The following MRPS6 variants were observed in gnomAD, a reference collection of about 807,000 sequenced individuals.
MRPS6 encodes mitochondrial ribosomal protein S6.
MRPS6 carries 6 observed loss-of-function variants against 13.1 expected under a neutral mutation model. The observed-to-expected ratio is 0.46, with a 90% confidence interval of 0.25 to 0.91. MRPS6 has a LOEUF of 0.91. MRPS6 is among the 40% of genes least tolerant of loss of function. MRPS6 has a pLI of 0.18. For missense variants in MRPS6, 164 were observed against 155.6 expected, an observed-to-expected ratio of 1.05 and a Z score of -0.29; for synonymous variants, 61 against 56.5, an observed-to-expected ratio of 1.08 and a Z score of -0.36.
rs917931284 is a variant in MRPS6, at chr21:34,100,620, T to C, written c.46-24721T>C. The C allele has an allele frequency of 8.0e-6, 8 of 1,000,052 alleles. No individual in the cohort carries two copies. In the Admixed American group the frequency reaches 3.7e-4, roughly 46 times the overall value. The allele number at this position is 1,000,052 out of a possible 1,614,324, so 61.9% of individuals were successfully genotyped here. A position where few individuals can be genotyped will look rare whatever the true frequency, so the allele number is the denominator to read the frequency against. On this transcript the variant is annotated intron_variant, in intron 1 of 2. Coordinates refer to ENST00000399312, the MANE Select transcript of MRPS6 (RefSeq NM_032476.4). Reference sequence around the variant, plus strand: ...TCTTAGGGATGATACCTCAAGAAATTAGCTGGGACCCATCACTCTGTGAAA... The same window carrying C: ...TCTTAGGGATGATACCTCAAGAAATCAGCTGGGACCCATCACTCTGTGAAA...
chr21:34,128,990 A>G (rs1980405596), intron 2 of MRPS6, among the ~76,000 whole-genome samples: 1 of 152,086 alleles, frequency 6.6e-6, no homozygotes, highest in South Asian at 2.1e-4. Context: ...GGTCTCTTTC[A>G]GGTCCCCGAG....
intron 2 of MRPS6, among the ~76,000 whole-genome samples, chr21:34,130,424 G>A (rs1431599615): frequency 6.6e-6 from 1 of 152,164 alleles, no homozygotes; most frequent in Non-Finnish European, 1.5e-5. Context: ...CCTCTCCAGG[G>A]GAGGGGCAGA....
At chr21:34,123,010 G>A in intron 1 of MRPS6, 1 of 152,146 alleles carries the variant, frequency 6.6e-6, no homozygotes, top group East Asian at 1.9e-4. Flanking sequence ...CTGTTAATGG[G>A]AAGAGATTTT....
intron 1 of MRPS6, among the ~76,000 whole-genome samples, chr21:34,082,394 A>G (rs1602907667): frequency 6.6e-6 from 1 of 152,186 alleles, no homozygotes; most frequent in South Asian, 2.1e-4. Context: ...TGACATTCAC[A>G]GTCCACTTTT....
At chr21:34,123,547 C>G (rs1210364539) in intron 1 of MRPS6, 1 of 145,126 alleles carries the variant, frequency 6.9e-6, no homozygotes, top group Non-Finnish European at 1.5e-5. Flanking sequence ...ACCTTCTTGG[C>G]TTTTTTTTTT....
chr21:34,105,303 C>T, intron 1 of MRPS6: 2 of 999,890 alleles, frequency 2.0e-6, no homozygotes, highest in Non-Finnish European at 2.4e-6. Flanking sequence ...CTTCTCAGTG[C>T]TTTCTTTTTT....
At chr21:34,117,350 G>T (rs572337291) in intron 1 of MRPS6, among the ~76,000 whole-genome samples, 1 of 152,102 alleles carries the variant, frequency 6.6e-6, no homozygotes, top group Non-Finnish European at 1.5e-5. Flanking sequence ...CCCTCCTGAC[G>T]GGGTATTCAT....
At chr21:34,101,773 G>A (rs1459844173) in intron 1 of MRPS6, 2 of 995,950 alleles carry the variant, frequency 2.0e-6, no homozygotes, top group South Asian at 4.7e-5. Context: ...CTGAATTTCT[G>A]TTAGCTTAAA....
intron 1 of MRPS6, chr21:34,102,420 G>A: frequency 1.0e-6 from 1 of 999,832 alleles, no homozygotes; most frequent in Non-Finnish European, 1.2e-6. Context: ...AGAGGGATTA[G>A]TTTTTTTGTT....
rs113414701 is a variant in MRPS6, at chr21:34,105,773, T to G, written c.46-19568T>G. The G allele has an allele frequency of 5.4e-3, 5,408 of 995,024 alleles. 104 individuals carry two copies. The South Asian group carries it at 0.078, about 14-fold the overall frequency. The allele number at this position is 995,024 out of a possible 1,614,324, so 61.6% of individuals were successfully genotyped here. A position where few individuals can be genotyped will look rare whatever the true frequency, so the allele number is the denominator to read the frequency against. ...TTTAATTTTAAGGTTTGACTAATTG[T>G]ATCCATCTCATTGTACAGTGTTTTA... On this transcript the variant is annotated intron_variant, in intron 1 of 2. Coordinates refer to ENST00000399312, the MANE Select transcript of MRPS6 (RefSeq NM_032476.4).
chr21:34,092,418 A>G (rs1002242791), intron 1 of MRPS6, among the ~76,000 whole-genome samples: 11 of 152,126 alleles, frequency 7.2e-5, no homozygotes, highest in African/African-American at 1.2e-4. Flanking sequence ...AACTGTCCGC[A>G]GTGGCTTTGA....
intron 2 of MRPS6, among the ~76,000 whole-genome samples, chr21:34,126,991 G>A (rs1324934847): frequency 2.0e-5 from 3 of 152,104 alleles, no homozygotes; most frequent in African/African-American, 4.8e-5. Context: ...CTTTATGGGT[G>A]GAATAAATTC....
chr21:34,125,586 T>G lies in MRPS6; in HGVS notation c.185+106T>G, dbSNP rs1003843765. On this transcript the variant is annotated intron_variant, in intron 2 of 2. Transcript: ENST00000399312. ...TAAAATTTCACATTGAGACCCCTGT[T>G]GCGCCTAGGTGTCCTTTGGGTACAC... 5 of 1,490,896 alleles carry G rather than the reference T, an allele frequency of 3.4e-6. No individual in the cohort carries two copies. The Admixed American group carries it at 8.9e-5, about 27-fold the overall frequency. 92.4% of individuals were successfully genotyped at this position (1,490,896 alleles called of 1,614,324 possible).
intron 1 of MRPS6, among the ~76,000 whole-genome samples, chr21:34,076,957 A>G (rs746403231): frequency 7.0e-4 from 106 of 152,260 alleles, no homozygotes; most frequent in Non-Finnish European, 1.3e-3. Context: ...CCAAGGCTGC[A>G]GTCCCAGGTA....
intron 1 of MRPS6, among the ~76,000 whole-genome samples, chr21:34,112,716 C>A (rs1431690596): frequency 6.6e-6 from 1 of 152,118 alleles, no homozygotes; most frequent in African/African-American, 2.4e-5. Flanking sequence ...CTCCCAATCC[C>A]CCCTCCCCAT....
intron 1 of MRPS6, among the ~76,000 whole-genome samples, chr21:34,111,570 C>T (rs1377847674): frequency 1.3e-5 from 2 of 152,210 alleles, no homozygotes; most frequent in Non-Finnish European, 2.9e-5. Context: ...ATTTCAGACC[C>T]TTCACCATCT....
chr21:34,099,273 G>C (rs1484663945), intron 1 of MRPS6: 2 of 1,000,086 alleles, frequency 2.0e-6, no homozygotes, highest in Non-Finnish European at 1.2e-6. Context: ...TTTGGAAGTT[G>C]AGGCTGCGAC....
chr21:34,117,467 T>G (rs1979965611), intron 1 of MRPS6, among the ~76,000 whole-genome samples: 1 of 152,206 alleles, frequency 6.6e-6, no homozygotes, highest in African/African-American at 2.4e-5. Flanking sequence ...CAGTATTGCC[T>G]GTGTTTGAAT....
intron 1 of MRPS6, among the ~76,000 whole-genome samples, chr21:34,109,890 T>C (rs1979630326): frequency 6.6e-6 from 1 of 152,196 alleles, no homozygotes; most frequent in African/African-American, 2.4e-5. Flanking sequence ...TTGACAATCA[T>C]ACCTCCATAA....
Sources: allele counts gnomAD v4.1 joint callset (sites outside exome capture counted in the v4.1 genomes callset), GRCh38; gene constraint gnomAD v4.1.1; transcripts MANE v1.5; gene names NCBI Gene and HGNC (gene_info 2026-07-23, HGNC 2026-07-21).